The following PTPRG variants were observed in gnomAD, a reference collection of about 807,000 sequenced individuals.
The protein encoded by PTPRG is receptor-type tyrosine-protein phosphatase gamma.
PTPRG carries 102 observed loss-of-function variants against 165.3 expected under a neutral mutation model. That is an observed-to-expected ratio of 0.62 (90% CI 0.53 to 0.73). The LOEUF (loss-of-function observed/expected upper bound fraction) is 0.73, where lower values mean the gene tolerates loss of function less well. Ranked by LOEUF, PTPRG falls within the 30% of genes least tolerant of loss-of-function variation. The pLI is 0.00. For synonymous variants in PTPRG, 675 were observed against 669.5 expected, an observed-to-expected ratio of 1.01 and a Z score of -0.13; for missense variants, 1,866 against 1,861.4, an observed-to-expected ratio of 1.00 and a Z score of -0.05.
intron 2 of PTPRG, among the ~76,000 whole-genome samples, chr3:61,779,692 G>A (rs2034488581): frequency 6.6e-6 from 1 of 152,168 alleles, no homozygotes; most frequent in African/African-American, 2.4e-5. Context: ...TTAGTAATCA[G>A]TGGAGTATTC....
chr3:61,938,521 A>G lies in PTPRG; in HGVS notation c.191-51104A>G, dbSNP rs145566227. Among the ~76,000 whole-genome samples the G allele has an allele frequency of 2.0e-5, 3 of 152,266 alleles. No homozygotes were observed. The East Asian group carries it at 5.8e-4, about 29-fold the overall frequency. On this transcript the variant is annotated intron_variant, in intron 2 of 29. Transcript: ENST00000474889. ...AAATGCCAGTTGAGAGGGGAAATTG[A>G]TTTTGCGTTCAGCCCTCTATGATGA...
chr3:62,065,202 T>C (rs1700971182), intron 4 of PTPRG, among the ~76,000 whole-genome samples: 2 of 152,208 alleles, frequency 1.3e-5, no homozygotes, highest in Admixed American at 1.3e-4. Flanking sequence ...TGGCTTGAAC[T>C]GCTTCTAGAT....
rs1701179638 is a variant in PTPRG at position 62,242,396 on chromosome 3, G to C, written c.2376-1411G>C. Among the ~76,000 whole-genome samples, 4 of 152,302 alleles carry C rather than the reference G, an allele frequency of 2.6e-5. No individual in the cohort carries two copies. The South Asian group carries it at 8.3e-4, about 32-fold the overall frequency. ...TGGGAGGCATGTGTCAAGAGTTGTA[G>C]TAACTGACGTTCAAAATCTCCTAAT... On this transcript the variant is annotated intron_variant, in intron 14 of 29. Coordinates refer to ENST00000474889, the MANE Select transcript of PTPRG (RefSeq NM_002841.4).
chr3:62,231,954 G>A (rs1006158295), intron 14 of PTPRG, among the ~76,000 whole-genome samples: 20 of 152,058 alleles, frequency 1.3e-4, no homozygotes, highest in African/African-American at 4.6e-4. Flanking sequence ...CACCACACTT[G>A]AGTCTCTTGA....
Position 61,562,309 on chromosome 3 carries a change from T to C in PTPRG, c.22T>C (p.Cys8Arg). 3.7e-6 allele frequency: 6 copies of C among 1,613,668 alleles called. No individual in the cohort carries two copies. Among genetic ancestry groups the C allele is most frequent in the Non-Finnish European group, 5.1e-6 (6 of 1,179,666 alleles). The change falls in exon 1 of 30, where the codon TGT becomes CGT. Residue 8 changes from cysteine (C) to arginine (R), a missense_variant. Physicochemically the swap from Cys to Arg is radical, Grantham distance 180. Around this residue, in one of 3 missense-constraint regions of PTPRG, gnomAD observed 408 missense variants for 376.2 expected, o/e 1.08. Coordinates refer to ENST00000474889, the MANE Select transcript of PTPRG (RefSeq NM_002841.4). MRRLLEP[C>R]WWILFLKITS... The stretch of plus-strand genomic sequence containing the variant: ...GGACATGCGGAGGTTACTGGAACCG[T>C]GTTGGTGGATTTTGTTCCTGAAAAT...
chr3:61,695,278 T>C (rs1041531322), intron 1 of PTPRG, among the ~76,000 whole-genome samples: 1 of 152,230 alleles, frequency 6.6e-6, no homozygotes, highest in Non-Finnish European at 1.5e-5. Context: ...TCCAAAGTGC[T>C]GGGATTACAA....
intron 2 of PTPRG, among the ~76,000 whole-genome samples, chr3:61,871,832 G>T (rs550585057): frequency 6.6e-6 from 1 of 152,182 alleles, no homozygotes; most frequent in African/African-American, 2.4e-5. Context: ...TTTTGAAGGA[G>T]ATCAGTTGCT....
chr3:61,958,290 C>A (rs1176925885), intron 2 of PTPRG, among the ~76,000 whole-genome samples: 2 of 152,044 alleles, frequency 1.3e-5, no homozygotes, highest in Admixed American at 1.3e-4. Flanking sequence ...CCACACCAGG[C>A]TAGTTCTTTT....
intron 1 of PTPRG, among the ~76,000 whole-genome samples, chr3:61,677,244 CAAA>C (rs11426161): frequency 5.6e-5 from 4 of 71,548 alleles, no homozygotes; most frequent in Admixed American, 1.5e-4. Flanking sequence ...GACTCCGTCT[CAAA>C]AAAAAAAAAA....
At chr3:61,969,040 C>G (rs2040331812) in intron 2 of PTPRG, among the ~76,000 whole-genome samples, 1 of 152,198 alleles carries the variant, frequency 6.6e-6, no homozygotes, top group Non-Finnish European at 1.5e-5. Context: ...TACTCCTACT[C>G]CATGTGAGTT....
intron 28 of PTPRG, among the ~76,000 whole-genome samples, chr3:62,287,328 G>A (rs1456807080): frequency 6.6e-6 from 1 of 151,822 alleles, no homozygotes; most frequent in Non-Finnish European, 1.5e-5. Flanking sequence ...AGAATCTGAG[G>A]GAAGACAACA....
intron 1 of PTPRG, among the ~76,000 whole-genome samples, chr3:61,671,136 TTC>T (rs1380602363): frequency 6.5e-5 from 7 of 107,010 alleles, no homozygotes; most frequent in Non-Finnish European, 9.4e-5. Flanking sequence ...TGTATGAACT[TTC>T]TTTTTTTTTT....
At chr3:62,056,495 A>G (rs1471161866) in intron 4 of PTPRG, among the ~76,000 whole-genome samples, 3 of 152,154 alleles carry the variant, frequency 2.0e-5, no homozygotes, top group African/African-American at 7.2e-5. Flanking sequence ...ATTGTGGCCT[A>G]GGGAAGCCAA....
At chr3:61,909,811 G>T (rs2038755944) in intron 2 of PTPRG, among the ~76,000 whole-genome samples, 1 of 152,180 alleles carries the variant, frequency 6.6e-6, no homozygotes, top group Non-Finnish European at 1.5e-5. Flanking sequence ...TGCTGCCATG[G>T]TATTTGTATA....
intron 1 of PTPRG, among the ~76,000 whole-genome samples, chr3:61,741,778 C>G (rs1435472343): frequency 1.3e-5 from 2 of 152,012 alleles, no homozygotes; most frequent in African/African-American, 2.4e-5. Flanking sequence ...TTTTGGAATC[C>G]TTTGTGGCCA....
At chr3:62,057,564 C>G (rs1005491232) in intron 4 of PTPRG, among the ~76,000 whole-genome samples, 3 of 152,194 alleles carry the variant, frequency 2.0e-5, no homozygotes, top group East Asian at 3.9e-4. Context: ...GGTCACAGCT[C>G]AAAAAACTGA....
intron 2 of PTPRG, among the ~76,000 whole-genome samples, chr3:61,951,989 G>T (rs537702974): frequency 1.3e-5 from 2 of 151,888 alleles, no homozygotes; most frequent in African/African-American, 4.8e-5. Flanking sequence ...GTGGTGGTGC[G>T]TGCCTGTAAT....
At chr3:62,129,115 G>A (rs1703420593) in intron 5 of PTPRG, among the ~76,000 whole-genome samples, 2 of 152,110 alleles carry the variant, frequency 1.3e-5, no homozygotes. Context: ...TGTTGTAGAA[G>A]GCTTTGCATT....
intron 2 of PTPRG, among the ~76,000 whole-genome samples, chr3:61,977,196 C>A (rs907110598): frequency 3.0e-5 from 4 of 135,232 alleles, no homozygotes; most frequent in African/African-American, 9.1e-5. Context: ...CCCTCCCCCA[C>A]CCCCCACACT....
Sources: gnomAD v4.1 joint callset for allele counts (sites outside exome capture counted in the v4.1 genomes callset) on GRCh38, gnomAD v4.1.1 for gene constraint, gnomAD v4.1.1 regional missense constraint, MANE v1.5 for transcripts, NCBI Gene and HGNC (gene_info 2026-07-23, HGNC 2026-07-21) for gene names.